Variants in EYA2 observed in about 807,000 individuals in gnomAD.
The protein encoded by EYA2 is EYA transcriptional coactivator and phosphatase 2.
Under a neutral mutation model 69.2 loss-of-function variants are expected in EYA2, and 31 were observed. The ratio of observed to expected loss-of-function variants is 0.45; its 90% CI spans 0.34 to 0.60. EYA2 has a LOEUF of 0.60. Ranked by LOEUF, EYA2 falls within the 20% of genes least tolerant of loss-of-function variation. The pLI is 0.02. For synonymous variants in EYA2, 257 were observed against 279.4 expected, an observed-to-expected ratio of 0.92 and a Z score of 0.80; for missense variants, 622 against 701.2, an observed-to-expected ratio of 0.89 and a Z score of 1.28.
chr20:47,115,667 C>T (rs112766447), intron 9 of EYA2, among the ~76,000 whole-genome samples: 2,942 of 152,276 alleles, frequency 0.019, 92 homozygotes, highest in African/African-American at 0.066. Context: ...TGGACAGCTG[C>T]CTCCCTGCTT....
intron 1 of EYA2, among the ~76,000 whole-genome samples, chr20:46,936,125 G>A (rs1157011338): frequency 1.3e-5 from 2 of 152,134 alleles, no homozygotes. Context: ...GATAAGGGCT[G>A]GTCAGCCTAT....
At position 47,179,865 on chromosome 20, in the gene EYA2, C is replaced by A; in HGVS notation, c.1266C>A (p.Asp422Glu). The change falls in exon 13 of 16, where the codon GAC (aspartate) becomes GAA (glutamate). Residue 422 changes from aspartate to glutamate, a missense_variant. Around this residue, in one of 2 missense-constraint regions of EYA2, gnomAD observed 257 missense variants for 351.5 expected, o/e 0.73. Transcript: ENST00000327619. ...GAGCTGAGCTGGAAGCTCTCACAGA[C>A]CTCTGGCTGACCCACTCCCTGAAGG... is the stretch of plus-strand genomic sequence containing the variant. ...QLRAELEALTDLWLTHSLKAL... is the reference protein window; with the variant it reads ...QLRAELEALTELWLTHSLKAL... 6.2e-7 allele frequency: 1 copy of A among 1,614,124 alleles called. No individual in the cohort carries two copies. The highest frequency in any genetic ancestry group is 1.6e-4 in the Middle Eastern group (1 of 6,062).
intron 1 of EYA2, among the ~76,000 whole-genome samples, chr20:46,986,272 TATATA>T (rs1007892275): frequency 4.7e-5 from 7 of 148,258 alleles, no homozygotes; most frequent in Middle Eastern, 3.3e-3. Context: ...TGGAGATATA[TATATA>T]ATATATCTCT....
At chr20:47,033,943 A>G (rs776764530) in intron 5 of EYA2, among the ~76,000 whole-genome samples, 4 of 152,246 alleles carry the variant, frequency 2.6e-5, no homozygotes, top group Non-Finnish European at 4.4e-5. Flanking sequence ...TACATGGAAC[A>G]TGAAAGTGGC....
intron 11 of EYA2, 134 bp downstream of exon 11, chr20:47,169,331 G>T: frequency 4.7e-6 from 4 of 846,056 alleles, no homozygotes; most frequent in Non-Finnish European, 7.9e-6. Context: ...CCAGAACTGG[G>T]ACTTTTGCAT....
At chr20:46,997,417 C>T (rs1447695725) in intron 2 of EYA2, among the ~76,000 whole-genome samples, 1 of 152,154 alleles carries the variant, frequency 6.6e-6, no homozygotes, top group Non-Finnish European at 1.5e-5. Context: ...TGATCCCTCT[C>T]TCCTCACCCA....
chr20:47,026,126 T>G (rs867893917), intron 5 of EYA2, among the ~76,000 whole-genome samples: 21 of 152,326 alleles, frequency 1.4e-4, no homozygotes, highest in African/African-American at 5.1e-4. Context: ...GAACAAATGG[T>G]CTCAGAGAGA....
chr20:47,106,406 A>G (rs1488100355), intron 9 of EYA2, among the ~76,000 whole-genome samples: 1 of 152,224 alleles, frequency 6.6e-6, no homozygotes, highest in Non-Finnish European at 1.5e-5. Context: ...TGCATGAAAT[A>G]GAATTTTGGT....
At chr20:47,054,903 C>T (rs905691688) in intron 5 of EYA2, among the ~76,000 whole-genome samples, 4 of 152,242 alleles carry the variant, frequency 2.6e-5, no homozygotes, top group African/African-American at 4.8e-5. Flanking sequence ...GCAGCTATTA[C>T]GGGCTCCAGA....
At chr20:46,941,541 A>G (rs1392649285) in intron 1 of EYA2, among the ~76,000 whole-genome samples, 5 of 152,228 alleles carry the variant, frequency 3.3e-5, no homozygotes, top group Admixed American at 6.5e-5. Flanking sequence ...AGTAAACACT[A>G]TTAAAAGAAG....
intron 1 of EYA2, among the ~76,000 whole-genome samples, chr20:46,916,434 G>T (rs952838761): frequency 6.6e-6 from 1 of 152,026 alleles, no homozygotes; most frequent in Admixed American, 6.6e-5. Context: ...GTGAATATGT[G>T]TAGGTGCTTA....
intron 1 of EYA2, among the ~76,000 whole-genome samples, chr20:46,932,959 A>G (rs1343154963): frequency 6.6e-6 from 1 of 152,134 alleles, no homozygotes; most frequent in African/African-American, 2.4e-5. Context: ...GCCACTGTGT[A>G]AGATGTGTCT....
intron 5 of EYA2, among the ~76,000 whole-genome samples, chr20:47,025,716 A>G (rs1334500116): frequency 6.6e-6 from 1 of 152,232 alleles, no homozygotes; most frequent in Non-Finnish European, 1.5e-5. Flanking sequence ...GGGCAAGTCT[A>G]TATTTAAATT....
rs577991658 is a variant in EYA2 at position 47,156,417 on chromosome 20, A to T, written c.979-12722A>T. ...TTTGGCAAAAGGTATCCCTAGCCTGACGCAGGAATGGCCAGGCATTCGGGC... is the reference window on the plus strand; with the variant it reads ...TTTGGCAAAAGGTATCCCTAGCCTGTCGCAGGAATGGCCAGGCATTCGGGC... On this transcript the variant is annotated intron_variant, in intron 10 of 15. Transcript: ENST00000327619. Among the ~76,000 whole-genome samples, 6 of 151,738 alleles carry T rather than the reference A, an allele frequency of 4.0e-5. No homozygotes were observed. The South Asian group carries it at 1.3e-3, about 32-fold the overall frequency.
At chr20:47,073,627 A>G (rs1008373763) in intron 6 of EYA2, among the ~76,000 whole-genome samples, 4 of 152,114 alleles carry the variant, frequency 2.6e-5, no homozygotes, top group African/African-American at 9.7e-5. Context: ...GACAGGTGCC[A>G]TCAGGGCCAC....
chr20:46,948,660 G>A (rs941078609), intron 1 of EYA2, among the ~76,000 whole-genome samples: 4 of 152,050 alleles, frequency 2.6e-5, no homozygotes, highest in African/African-American at 4.8e-5. Context: ...AGATGCATAC[G>A]TTATTGTGTT....
chr20:47,164,955 G>T (rs75525287), intron 10 of EYA2, among the ~76,000 whole-genome samples: 2,816 of 152,216 alleles, frequency 0.018, 97 homozygotes, highest in African/African-American at 0.064. Flanking sequence ...CAGTAGACAA[G>T]CTGCCGGCCT....
intron 1 of EYA2, among the ~76,000 whole-genome samples, chr20:46,899,207 A>G (rs1046999526): frequency 1.1e-4 from 17 of 152,248 alleles, no homozygotes; most frequent in South Asian, 2.1e-4. Flanking sequence ...TCCATGTGCA[A>G]TACAAGCTTT....
intron 1 of EYA2, among the ~76,000 whole-genome samples, chr20:46,971,252 T>G (rs1160433953): frequency 6.6e-6 from 1 of 152,198 alleles, no homozygotes; most frequent in East Asian, 1.9e-4. Context: ...GGAGTTTATT[T>G]CTCTCTCATC....
Sources: gnomAD v4.1 joint callset for allele counts (sites outside exome capture counted in the v4.1 genomes callset) on GRCh38, gnomAD v4.1.1 for gene constraint, gnomAD v4.1.1 regional missense constraint, MANE v1.5 for transcripts, NCBI Gene and HGNC (gene_info 2026-07-23, HGNC 2026-07-21) for gene names.